The following G6PC2 variants were observed in gnomAD, a reference collection of about 807,000 sequenced individuals.
G6PC2 encodes glucose-6-phosphatase catalytic subunit 2.
Under a neutral mutation model 35.4 loss-of-function variants are expected in G6PC2, and 41 were observed. The observed-to-expected ratio is 1.16, with a 90% confidence interval of 0.90 to 1.50. G6PC2 has a LOEUF of 1.50. Ranked by LOEUF, G6PC2 falls within the 40% of genes most tolerant of loss-of-function variation. The pLI is 0.00. For missense variants in G6PC2, 441 were observed against 426.5 expected (o/e 1.03, Z -0.30); for synonymous variants, 165 against 153.2 (o/e 1.08, Z -0.57).
intron 4 of G6PC2, 44 bp from the exon 5 acceptor site, chr2:168,907,524 T>C: frequency 6.3e-7 from 1 of 1,599,926 alleles, no homozygotes; most frequent in Non-Finnish European, 8.6e-7. Context: ...CTCGAGGGGC[T>C]CAAGGGCACA....
intron 2 of G6PC2, 80 bp downstream of exon 2, chr2:168,902,634 A>G: frequency 1.3e-6 from 1 of 777,046 alleles, no homozygotes; most frequent in Non-Finnish European, 2.4e-6. Context: ...CTAGGAACTG[A>G]TATTATATAG....
intron 4 of G6PC2, 32 bp from the exon 5 acceptor site, chr2:168,907,536 A>G: frequency 1.9e-6 from 3 of 1,603,648 alleles, no homozygotes; most frequent in Non-Finnish European, 1.7e-6. Context: ...AAGGGCACAC[A>G]GTCATTGTCA....
At chr2:168,902,317 T>C (rs1392684662) in intron 1 of G6PC2, 128 bp from the exon 2 acceptor site, 1 of 658,168 alleles carries the variant, frequency 1.5e-6, no homozygotes, top group African/African-American at 1.8e-5. Context: ...TCAAAGTCTC[T>C]TAATCATGAA....
Position 168,909,127 on chromosome 2 carries a change from T to C in G6PC2, c.*1048T>C, listed in dbSNP as rs1228109837. 1 of 152,230 alleles carries C rather than the reference T, an allele frequency of 6.6e-6. No individual in the cohort carries two copies. Among genetic ancestry groups the C allele is most frequent in the Non-Finnish European group, 1.5e-5 (1 of 68,042 alleles). The allele number at this position is 152,230 out of a possible 1,614,324, so 9.4% of individuals were successfully genotyped here. Reference sequence around the variant, plus strand: ...ATCAGCTACCTTTTCAGAAATGACATTGAAATACTGCATCCTCTTTGACTT... The same window carrying C: ...ATCAGCTACCTTTTCAGAAATGACACTGAAATACTGCATCCTCTTTGACTT... On this transcript the variant is annotated 3_prime_UTR_variant, in exon 5 of 5. Transcript: ENST00000375363.
intron 1 of G6PC2, among the ~76,000 whole-genome samples, chr2:168,901,798 G>A (rs548186538): frequency 4.7e-5 from 7 of 150,372 alleles, no homozygotes; most frequent in African/African-American, 1.5e-4. Flanking sequence ...GTGCAATGGC[G>A]TGATCTCGGC....
intron 1 of G6PC2, among the ~76,000 whole-genome samples, 188 bp downstream of exon 1, chr2:168,901,737 GTTT>G (rs34174689): frequency 2.3e-5 from 3 of 130,456 alleles, no homozygotes; most frequent in African/African-American, 2.8e-5. Context: ...ATATGTTTTT[GTTT>G]TTTTTTTTTT....
In G6PC2 at chr2:168,908,966, C is replaced by T. The variant is rs763052290; in HGVS notation, c.*887C>T. The T allele has an allele frequency of 6.6e-6, 1 of 152,192 alleles. No individual in the cohort carries two copies. The highest frequency in any genetic ancestry group is 1.5e-5 in the Non-Finnish European group (1 of 68,054). 9.4% of individuals were successfully genotyped at this position (152,192 alleles called of 1,614,324 possible). The stretch of plus-strand genomic sequence containing the variant: ...GGATGTTCCACCCATGTCAGCCTCC[C>T]ACAGTGCTGGGATTGCAGGCTTGAG... On this transcript the variant is annotated 3_prime_UTR_variant, in exon 5 of 5. Coordinates refer to ENST00000375363, the MANE Select transcript of G6PC2 (RefSeq NM_021176.3).
At chr2:168,905,234 G>A (rs1331945919) in intron 3 of G6PC2, among the ~76,000 whole-genome samples, 1 of 152,080 alleles carries the variant, frequency 6.6e-6, no homozygotes, top group East Asian at 1.9e-4. Flanking sequence ...CTTAGAAATT[G>A]GGTTGTTTCC....
chr2:168,909,610 T>A lies in G6PC2; in HGVS notation c.*1531T>A, dbSNP rs1024184338. On this transcript the variant is annotated 3_prime_UTR_variant, in exon 5 of 5. Transcript: ENST00000375363. Reference sequence around the variant, plus strand: ...AACAATTTCTCAGTAAGTGTGTTTTTTCCTCATTGAATCTAGGAATGCTGG... The same window carrying A: ...AACAATTTCTCAGTAAGTGTGTTTTATCCTCATTGAATCTAGGAATGCTGG... The A allele has an allele frequency of 6.6e-6, 1 of 152,230 alleles. No homozygotes were observed. The highest frequency in any genetic ancestry group is 2.4e-5 in the African/African-American group (1 of 41,468). 9.4% of individuals were successfully genotyped at this position (152,230 alleles called of 1,614,324 possible). A position where few individuals can be genotyped will look rare whatever the true frequency, so the allele number is the denominator to read the frequency against.
chr2:168,901,418 G>A lies in G6PC2; in HGVS notation c.87G>A (p.Met29Ile). The A allele has an allele frequency of 6.3e-7, 1 of 1,599,172 alleles. No individual in the cohort carries two copies. Among genetic ancestry groups the A allele is most frequent in the Non-Finnish European group, 8.6e-7 (1 of 1,166,338 alleles). The change falls in exon 1 of 5, where the codon ATG (methionine) becomes ATA (isoleucine). Residue 29 changes from methionine (M) to isoleucine (I), a missense_variant. Met to Ile is a conservative substitution (Grantham distance 10). Coordinates refer to ENST00000375363, the MANE Select transcript of G6PC2 (RefSeq NM_021176.3). ...YRAYYTFLNF[M>I]SNVGDPRNIF... ...CTTACTACACTTTTCTAAATTTTAT[G>A]TCCAATGTTGGAGACCCCAGGAATA...
Position 168,907,609 on chromosome 2 carries a change from C to A in G6PC2, c.598C>A (p.Gln200Lys). ...AEAFEHTPGI[Q>K]TASLGTYLKT... ...GGCCTTTGAACACACTCCAGGCATC[C>A]AAACGGCCAGTCTGGGCACATACCT... Residue 200 changes from glutamine (Q) to lysine (K), a missense_variant, in exon 5 of 5, where the codon CAA becomes AAA. Transcript: ENST00000375363. The A allele has an allele frequency of 6.2e-7, 1 of 1,613,960 alleles. No homozygotes were observed.
Position 168,907,880 on chromosome 2 carries a change from T to G in G6PC2, c.869T>G (p.Leu290Arg). The G allele has an allele frequency of 6.2e-7, 1 of 1,613,632 alleles. No individual in the cohort carries two copies. Among genetic ancestry groups the G allele is most frequent in the Non-Finnish European group, 8.5e-7 (1 of 1,179,516 alleles). Reference sequence around the variant, plus strand: ...TGCCGAGGGGGAAATAACTACACACTGAGCTTCCGGTTGCTCTGTGCCTTG... The same window carrying G: ...TGCCGAGGGGGAAATAACTACACACGGAGCTTCCGGTTGCTCTGTGCCTTG... ...LSCRGGNNYT[L>R]SFRLLCALTS... is the part of the protein sequence containing the mutation. Residue 290 changes from leucine to arginine, a missense_variant, in exon 5 of 5, where the codon CTG becomes CGG. Transcript: ENST00000375363.
At chr2:168,906,961 G>A (rs1178931088) in intron 4 of G6PC2, among the ~76,000 whole-genome samples, 182 bp downstream of exon 4, 3 of 152,156 alleles carry the variant, frequency 2.0e-5, no homozygotes, top group African/African-American at 7.2e-5. Context: ...TAGCCTCCAT[G>A]TACAAAGTGG....
In G6PC2 at chr2:168,906,687, G is replaced by A. The variant is rs997529629; in HGVS notation, c.464G>A (p.Ser155Asn). The A allele has an allele frequency of 5.0e-6, 8 of 1,590,448 alleles. No individual in the cohort carries two copies. Among genetic ancestry groups the A allele is most frequent in the Non-Finnish European group, 6.9e-6 (8 of 1,158,570 alleles). The change falls in exon 4 of 5, where the codon AGT (serine) becomes AAT (asparagine). Residue 155 changes from serine (S) to asparagine (N), a missense_variant. By Grantham distance (46) the Ser-to-Asn change is conservative (BLOSUM62 1). Coordinates refer to ENST00000375363, the MANE Select transcript of G6PC2 (RefSeq NM_021176.3). ...LHRLTWSFLW[S>N]VFWLIQISVC... ...AGACTGACCTGGTCATTTCTTTGGA[G>A]TGTTTTTTGGTTGATTCAAATCAGT...
chr2:168,906,473 ATC>A (rs1690713806), intron 3 of G6PC2, among the ~76,000 whole-genome samples, 189 bp from the exon 4 acceptor site: 1 of 152,178 alleles, frequency 6.6e-6, no homozygotes, highest in Admixed American at 6.5e-5. Context: ...AAATGTAGAA[ATC>A]TCTGTTAAAA....
chr2:168,903,961 T>C (rs992065890), intron 2 of G6PC2, among the ~76,000 whole-genome samples: 7 of 152,136 alleles, frequency 4.6e-5, no homozygotes, highest in African/African-American at 1.7e-4. Context: ...AAGTAGCTGC[T>C]AGTACACAGC....
In G6PC2 at chr2:168,908,014, G is replaced by A. The variant is rs979502964; in HGVS notation, c.1003G>A (p.Val335Met). Residue 335 changes from valine to methionine, a missense_variant, in exon 5 of 5, where the codon GTG becomes ATG. Physicochemically the swap from Val to Met is conservative, Grantham distance 21. Coordinates refer to ENST00000375363, the MANE Select transcript of G6PC2 (RefSeq NM_021176.3). ...FCKSASIPLT[V>M]VAFIPYSVHM... Reference sequence around the variant, plus strand: ...TAAAAGTGCATCCATTCCCCTAACTGTGGTTGCTTTCATTCCCTACTCTGT... The same window carrying A: ...TAAAAGTGCATCCATTCCCCTAACTATGGTTGCTTTCATTCCCTACTCTGT... 1.2e-6 allele frequency: 2 copies of A among 1,612,854 alleles called. No homozygotes were observed. Among genetic ancestry groups the A allele is most frequent in the Non-Finnish European group, 1.7e-6 (2 of 1,178,980 alleles).
chr2:168,909,220 T>G lies in G6PC2; in HGVS notation c.*1141T>G, dbSNP rs1453498060. The G allele has an allele frequency of 6.6e-6, 1 of 152,212 alleles. No homozygotes were observed. The highest frequency in any genetic ancestry group is 1.5e-5 in the Non-Finnish European group (1 of 68,094). 9.4% of individuals were successfully genotyped at this position (152,212 alleles called of 1,614,324 possible). A position where few individuals can be genotyped will look rare whatever the true frequency, so the allele number is the denominator to read the frequency against. ...GGCTCCAGATGTATATACACACGGG[T>G]CCAGGGACAACAGAACAGGCCAGGC... On this transcript the variant is annotated 3_prime_UTR_variant, in exon 5 of 5. Coordinates refer to ENST00000375363, the MANE Select transcript of G6PC2 (RefSeq NM_021176.3).
intron 2 of G6PC2, 146 bp from the exon 3 acceptor site, chr2:168,904,359 C>A (rs1202562537): frequency 2.8e-6 from 2 of 717,610 alleles, no homozygotes; most frequent in African/African-American, 1.7e-5. Context: ...TTATTTCTAC[C>A]CACTTCTAAA....
Sources: gnomAD v4.1 joint callset for allele counts (sites outside exome capture counted in the v4.1 genomes callset) on GRCh38, gnomAD v4.1.1 for gene constraint, MANE v1.5 for transcripts, NCBI Gene and HGNC (gene_info 2026-07-23, HGNC 2026-07-21) for gene names.